The following ASXL3 variants were observed in gnomAD, a reference collection of about 807,000 sequenced individuals.
ASXL3 encodes putative Polycomb group protein ASXL3.
Under a neutral mutation model 170.6 loss-of-function variants are expected in ASXL3, and 34 were observed. The observed-to-expected ratio is 0.20, with a 90% CI of 0.15 to 0.27. ASXL3 has a LOEUF of 0.27. ASXL3 is among the 10% of genes least tolerant of loss of function. The probability of loss-of-function intolerance (pLI) is 1.00; values close to 1 mark genes in which losing one functional copy is unlikely to be tolerated. For synonymous variants in ASXL3, 1,002 were observed against 989.1 expected, an observed-to-expected ratio of 1.01 and a Z score of -0.24; for missense variants, 2,592 against 2,695.3, an observed-to-expected ratio of 0.96 and a Z score of 0.85.
At chr18:33,735,125 C>A (rs1245964892) in intron 10 of ASXL3, among the ~76,000 whole-genome samples, 1 of 152,192 alleles carries the variant, frequency 6.6e-6, no homozygotes, top group East Asian at 1.9e-4. Flanking sequence ...CTTAGAGGAA[C>A]TTATGCTCCA....
At chr18:33,680,841 T>C (rs1053827249) in intron 7 of ASXL3, among the ~76,000 whole-genome samples, 4 of 151,948 alleles carry the variant, frequency 2.6e-5, no homozygotes, top group African/African-American at 9.7e-5. Flanking sequence ...TTTTATTCTT[T>C]CCATATAATT....
At chr18:33,730,649 C>T (rs1380745739) in intron 8 of ASXL3, among the ~76,000 whole-genome samples, 1 of 151,726 alleles carries the variant, frequency 6.6e-6, no homozygotes, top group Non-Finnish European at 1.5e-5. Context: ...CATGCTGAAC[C>T]CAGGCGGGTG....
chr18:33,678,807 G>C (rs145551443), intron 7 of ASXL3, among the ~76,000 whole-genome samples: 3 of 152,122 alleles, frequency 2.0e-5, no homozygotes, highest in African/African-American at 7.2e-5. Context: ...AAGAGTACAC[G>C]TGTAAGGATA....
intron 5 of ASXL3, among the ~76,000 whole-genome samples, chr18:33,662,179 T>C (rs555297553): frequency 6.6e-6 from 1 of 152,330 alleles, no homozygotes; most frequent in South Asian, 2.1e-4. Flanking sequence ...TACTTATATC[T>C]GGAATATTCA....
intron 4 of ASXL3, among the ~76,000 whole-genome samples, chr18:33,652,762 T>C (rs1286846433): frequency 6.6e-6 from 1 of 152,056 alleles, no homozygotes; most frequent in African/African-American, 2.4e-5. Flanking sequence ...GGCAGAGTTG[T>C]GTTAACTTAA....
intron 4 of ASXL3, among the ~76,000 whole-genome samples, chr18:33,658,697 G>A (rs1474690023): frequency 6.6e-6 from 1 of 152,004 alleles, no homozygotes. Context: ...AGGGAAATAT[G>A]GTTTGATCCA....
intron 7 of ASXL3, among the ~76,000 whole-genome samples, chr18:33,679,988 T>C (rs1039477321): frequency 6.6e-6 from 1 of 151,988 alleles, no homozygotes; most frequent in Non-Finnish European, 1.5e-5. Context: ...GTTTAACGAA[T>C]GTCTGCTTTT....
In ASXL3 at chr18:33,648,326, A is replaced by T. The variant is rs144089216; in HGVS notation, c.355+1973A>T. On this transcript the variant is annotated intron_variant, in intron 4 of 11. Transcript: ENST00000269197. ...CTAGCAGTGGATGGGATGAAAAGTGATTGGATTCTGGTAGATCCAGCAGAA... is the reference window on the plus strand; with the variant it reads ...CTAGCAGTGGATGGGATGAAAAGTGTTTGGATTCTGGTAGATCCAGCAGAA... 2.9e-4 allele frequency among the ~76,000 whole-genome samples: 44 copies of T among 152,210 alleles called. No individual in the cohort carries two copies. In the East Asian group the frequency reaches 8.1e-3, roughly 28 times the overall value.
At chr18:33,717,017 A>T (rs2067176208) in intron 8 of ASXL3, among the ~76,000 whole-genome samples, 1 of 152,040 alleles carries the variant, frequency 6.6e-6, no homozygotes. Context: ...CTCTTCTGGT[A>T]TCCCAGATTC....
chr18:33,600,462 CT>C (rs2065172794), intron 1 of ASXL3, among the ~76,000 whole-genome samples: 1 of 152,034 alleles, frequency 6.6e-6, no homozygotes, highest in Admixed American at 6.6e-5. Flanking sequence ...AGAGAATAGA[CT>C]GCCTGCAAAT....
At chr18:33,632,935 T>C (rs2065701577) in intron 2 of ASXL3, among the ~76,000 whole-genome samples, 1 of 152,182 alleles carries the variant, frequency 6.6e-6, no homozygotes, top group Non-Finnish European at 1.5e-5. Flanking sequence ...GAACTAAATG[T>C]CATGAGCCAT....
intron 2 of ASXL3, among the ~76,000 whole-genome samples, chr18:33,642,305 A>G (rs925291994): frequency 1.3e-5 from 2 of 151,954 alleles, no homozygotes; most frequent in African/African-American, 2.4e-5. Context: ...TTTGAAATAC[A>G]TTTTCCTCTG....
In ASXL3 at chr18:33,743,485, T is replaced by G; in HGVS notation, c.3637T>G (p.Ser1213Ala). The G allele has an allele frequency of 1.2e-6, 2 of 1,613,660 alleles. No homozygotes were observed. The highest frequency in any genetic ancestry group is 1.7e-6 in the Non-Finnish European group (2 of 1,179,870). Residue 1213 changes from serine to alanine, a missense_variant, in exon 12 of 12, where the codon TCT becomes GCT. This residue lies in a region of ASXL3 where 2,246 missense variants were observed against 2,219.6 expected (regional missense o/e 1.01). Coordinates refer to ENST00000269197, the MANE Select transcript of ASXL3 (RefSeq NM_030632.3). Reference protein sequence around the residue: ...SDENIPVSHLSEKIVSSTSSE... With the variant: ...SDENIPVSHLAEKIVSSTSSE... ...TGAAAACATACCTGTGTCACATTTA[T>G]CTGAGAAAATTGTTTCATCTACCTC...
At chr18:33,646,891 G>A (rs78550341) in intron 4 of ASXL3, among the ~76,000 whole-genome samples, 17,204 of 132,282 alleles carry the variant, frequency 0.13, 1,840 homozygotes, top group Middle Eastern at 0.2. Context: ...GGGGGGGGGG[G>A]GCATTTTTCA....
chr18:33,588,664 A>G (rs1176700734), intron 1 of ASXL3, among the ~76,000 whole-genome samples: 4 of 152,154 alleles, frequency 2.6e-5, no homozygotes, highest in Admixed American at 6.5e-5. Flanking sequence ...GGAGAATCAA[A>G]TTGGCAGACT....
In ASXL3 at chr18:33,738,919, G is replaced by T. The variant is rs547738110; in HGVS notation, c.1515G>T (p.Met505Ile). ...PEDNLESCVM[M>I]NDVLETLPHI... ...ATAACTTGGAATCCTGTGTTATGATGAATGATGTTTTAGAAACTTTGCCTC... is the reference window on the plus strand; with the variant it reads ...ATAACTTGGAATCCTGTGTTATGATTAATGATGTTTTAGAAACTTTGCCTC... Residue 505 changes from methionine to isoleucine, a missense_variant, in exon 11 of 12, where the codon ATG becomes ATT. Met to Ile is a conservative substitution (Grantham distance 10, BLOSUM62 1). Transcript: ENST00000269197. 2.5e-6 allele frequency: 4 copies of T among 1,613,528 alleles called. No homozygotes were observed. In the African/African-American group the frequency reaches 4.0e-5, roughly 16 times the overall value.
chr18:33,649,288 C>G (rs1377990490), intron 4 of ASXL3, among the ~76,000 whole-genome samples: 1 of 151,924 alleles, frequency 6.6e-6, no homozygotes. Context: ...GACAGGTGCT[C>G]TAAAGGAGGC....
intron 4 of ASXL3, among the ~76,000 whole-genome samples, chr18:33,649,362 G>A (rs914199789): frequency 6.6e-6 from 1 of 152,072 alleles, no homozygotes; most frequent in African/African-American, 2.4e-5. Flanking sequence ...GAAGGGGCTC[G>A]TAGAAGTTTG....
Position 33,745,406 on chromosome 18 carries a change from A to T in ASXL3, c.5558A>T (p.Asp1853Val), listed in dbSNP as rs1477505757. ...CEPGKLLVEP[D>V]VKGVPCVISS... is the part of the protein sequence containing the mutation. Reference sequence around the variant, plus strand: ...CCAGGAAAATTGTTGGTGGAGCCAGATGTTAAAGGGGTGCCTTGTGTCATC... The same window carrying T: ...CCAGGAAAATTGTTGGTGGAGCCAGTTGTTAAAGGGGTGCCTTGTGTCATC... The change falls in exon 12 of 12, where the codon GAT (aspartate) becomes GTT (valine). Residue 1853 changes from aspartate to valine, a missense_variant. By Grantham distance (152) the Asp-to-Val change is radical (BLOSUM62 -3). Around this residue, in one of 4 missense-constraint regions of ASXL3, gnomAD observed 2,246 missense variants for 2,219.6 expected, o/e 1.01. Transcript: ENST00000269197. The T allele has an allele frequency of 6.2e-7, 1 of 1,614,020 alleles. No homozygotes were observed.
Sources: allele counts gnomAD v4.1 joint callset (sites outside exome capture counted in the v4.1 genomes callset), GRCh38; gene constraint gnomAD v4.1.1; regional missense constraint gnomAD v4.1.1; transcripts MANE v1.5; gene names NCBI Gene and HGNC (gene_info 2026-07-23, HGNC 2026-07-21).